The following MS4A5 variants were observed in gnomAD, a reference collection of about 807,000 sequenced individuals.
MS4A5 encodes membrane spanning 4-domains A5.
In MS4A5, 15 loss-of-function variants were observed where a neutral mutation model predicts 18.2. The ratio of observed to expected loss-of-function variants is 0.83; its 90% CI spans 0.55 to 1.27. MS4A5 has a LOEUF of 1.27. Among genes scored for constraint, MS4A5 ranks in the 50% most tolerant of loss-of-function variants. The pLI is 0.00. For synonymous variants in MS4A5, 89 were observed against 78.7 expected, an observed-to-expected ratio of 1.13 and a Z score of -0.69; for missense variants, 232 against 225.7, an observed-to-expected ratio of 1.03 and a Z score of -0.18.
chr11:60,430,710 T>C, intron 1 of MS4A5, 86 bp from the exon 2 acceptor site: 2 of 1,507,838 alleles, frequency 1.3e-6, no homozygotes, highest in Non-Finnish European at 1.8e-6. Flanking sequence ...AATTGCCAAA[T>C]CCTTTTGACC....
At chr11:60,437,512 T>A (rs922174377) in intron 4 of MS4A5, among the ~76,000 whole-genome samples, 6 of 152,206 alleles carry the variant, frequency 3.9e-5, no homozygotes, top group Non-Finnish European at 8.8e-5. Flanking sequence ...ATCAGTGTGC[T>A]GTATTCAGGA....
intron 2 of MS4A5, among the ~76,000 whole-genome samples, chr11:60,431,676 G>A: frequency 6.6e-6 from 1 of 152,190 alleles, no homozygotes; most frequent in East Asian, 1.9e-4. Context: ...AGGGTGAATG[G>A]TTAATCAGGT....
intron 4 of MS4A5, among the ~76,000 whole-genome samples, chr11:60,436,052 G>A (rs2086078489): frequency 6.6e-6 from 1 of 152,170 alleles, no homozygotes; most frequent in African/African-American, 2.4e-5. Context: ...TTTGAAGAGA[G>A]CAGTGGTTCT....
chr11:60,447,559 C>G, intron 4 of MS4A5, 90 bp from the exon 5 acceptor site: 1 of 675,842 alleles, frequency 1.5e-6, no homozygotes, highest in Non-Finnish European at 2.5e-6. Flanking sequence ...CTTTTATTAT[C>G]TGGGCATCAC....
intron 4 of MS4A5, among the ~76,000 whole-genome samples, chr11:60,446,533 G>A (rs954009863): frequency 2.0e-5 from 3 of 152,160 alleles, no homozygotes; most frequent in Non-Finnish European, 4.4e-5. Flanking sequence ...GAAGTCAGGA[G>A]TTCAGCGCTG....
chr11:60,441,310 GGAGATATACCTAATGCTAGATGAC>G (rs2086110467), intron 4 of MS4A5, among the ~76,000 whole-genome samples: 1 of 87,482 alleles, frequency 1.1e-5, no homozygotes, highest in African/African-American at 3.5e-5. Flanking sequence ...GATAGCATCG[GGAGATATACCTAATGCTAGATGAC>G]GAGTTAGTGG....
At chr11:60,432,776 A>C (rs1215666676) in intron 3 of MS4A5, among the ~76,000 whole-genome samples, 2 of 151,530 alleles carry the variant, frequency 1.3e-5, no homozygotes, top group African/African-American at 2.4e-5. Context: ...TCTCAAAAAA[A>C]AAAAACAAAA....
chr11:60,435,521 C>G (rs4245223), intron 4 of MS4A5: 105,129 of 384,224 alleles, frequency 0.27, 15,481 homozygotes, highest in Admixed American at 0.42. Flanking sequence ...CTGAGGTACC[C>G]GGTTCATCTC....
intron 4 of MS4A5, among the ~76,000 whole-genome samples, chr11:60,438,281 G>C (rs972375381): frequency 6.6e-6 from 1 of 152,224 alleles, no homozygotes; most frequent in African/African-American, 2.4e-5. Context: ...GCAGGATGTA[G>C]AGGGAAATTT....
At chr11:60,446,729 G>A (rs866500851) in intron 4 of MS4A5, among the ~76,000 whole-genome samples, 9 of 146,222 alleles carry the variant, frequency 6.2e-5, no homozygotes, top group Admixed American at 1.4e-4. Flanking sequence ...GTGAAACTCC[G>A]TCTCAAAAAA....
intron 4 of MS4A5, among the ~76,000 whole-genome samples, chr11:60,446,888 CCTT>C (rs1390343629): frequency 6.6e-6 from 1 of 151,952 alleles, no homozygotes; most frequent in African/African-American, 2.4e-5. Context: ...TGTTTCTTCA[CCTT>C]CTTTCTTTCC....
intron 4 of MS4A5, among the ~76,000 whole-genome samples, chr11:60,444,168 T>C (rs992983410): frequency 6.6e-6 from 1 of 152,150 alleles, no homozygotes; most frequent in Non-Finnish European, 1.5e-5. Context: ...ATTTAAAAAT[T>C]ACGGGTAACT....
At chr11:60,445,408 T>C (rs1269190560) in intron 4 of MS4A5, among the ~76,000 whole-genome samples, 1 of 152,038 alleles carries the variant, frequency 6.6e-6, no homozygotes, top group Non-Finnish European at 1.5e-5. Context: ...TACAGGCTCA[T>C]GCTGCCATGC....
intron 4 of MS4A5, among the ~76,000 whole-genome samples, chr11:60,438,177 G>T (rs1179171845): frequency 1.3e-5 from 2 of 151,884 alleles, no homozygotes; most frequent in African/African-American, 4.8e-5. Context: ...ATGACTACTG[G>T]GTACATAATG....
In MS4A5 at chr11:60,446,114, G is replaced by A. The variant is rs532067214; in HGVS notation, c.493-1535G>A. ...AACAAAAAAACACAGAAAAAAAGAG[G>A]AAATCAATCAGTTCCTGTCACAAAA... On this transcript the variant is annotated intron_variant, in intron 4 of 4. Transcript: ENST00000300190. Among the ~76,000 whole-genome samples, 9 of 152,216 alleles carry A rather than the reference G, an allele frequency of 5.9e-5. 1 individual carries two copies. Among genetic ancestry groups the A allele is most frequent in the African/African-American group, 2.2e-4 (9 of 41,536 alleles).
chr11:60,442,101 A>G (rs549842218), intron 4 of MS4A5, among the ~76,000 whole-genome samples: 35 of 152,360 alleles, frequency 2.3e-4, no homozygotes, highest in African/African-American at 8.4e-4. Context: ...TTTTGAATAC[A>G]ATTGATAAAA....
Position 60,447,685 on chromosome 11 carries a change from GAATTA to G in MS4A5, c.530_534del (p.Glu177ValfsTer17), listed in dbSNP as rs1448844816. On this transcript the variant is annotated frameshift_variant, in exon 5 of 5. Coordinates refer to ENST00000300190, the MANE Select transcript of MS4A5 (RefSeq NM_023945.3). LOFTEE classifies it low-confidence loss of function (END_TRUNC). Reference sequence around the variant, plus strand: ...TACATTGATGACTTTCAGCATTATTGAATTATTCATTTCTCTGCCTTTCTCAATTT... The same window carrying G: ...TACATTGATGACTTTCAGCATTATTGTTCATTTCTCTGCCTTTCTCAATTT... The G allele has an allele frequency of 1.3e-6, 2 of 1,591,026 alleles. No homozygotes were observed. The highest frequency in any genetic ancestry group is 4.5e-5 in the East Asian group (2 of 44,372).
intron 4 of MS4A5, among the ~76,000 whole-genome samples, chr11:60,445,758 T>C (rs553144612): frequency 2.0e-5 from 3 of 152,246 alleles, no homozygotes; most frequent in African/African-American, 7.2e-5. Context: ...TGGCCAAACA[T>C]ACAATAATGC....
At chr11:60,442,950 G>A (rs576659581) in intron 4 of MS4A5, among the ~76,000 whole-genome samples, 8 of 152,134 alleles carry the variant, frequency 5.3e-5, no homozygotes, top group Admixed American at 2.0e-4. Flanking sequence ...AGACCAGGCT[G>A]GCCAACATGG....
Sources: gnomAD v4.1 joint callset for allele counts (sites outside exome capture counted in the v4.1 genomes callset) on GRCh38, gnomAD v4.1.1 for gene constraint, MANE v1.5 for transcripts, NCBI Gene and HGNC (gene_info 2026-07-23, HGNC 2026-07-21) for gene names.